Variants in MDGA2 observed in about 807,000 individuals in gnomAD.
MDGA2 encodes MAM domain containing glycosylphosphatidylinositol anchor 2.
In MDGA2, 40 loss-of-function variants were observed where a neutral mutation model predicts 117.8. The observed-to-expected ratio is 0.34, with a 90% CI of 0.26 to 0.44. The LOEUF is 0.44. Ranked by LOEUF, MDGA2 falls within the 20% of genes least tolerant of loss-of-function variation. MDGA2 has a pLI of 1.00. For missense variants in MDGA2, 1,123 were observed against 1,250.6 expected, an observed-to-expected ratio of 0.90 and a Z score of 1.54; for synonymous variants, 452 against 439.0, an observed-to-expected ratio of 1.03 and a Z score of -0.37.
chr14:47,058,588 A>G, intron 7 of MDGA2: 1 of 985,012 alleles, frequency 1.0e-6, no homozygotes, highest in Non-Finnish European at 1.2e-6. Flanking sequence ...ACCTATTTTC[A>G]TATTAAAGCA....
At chr14:46,909,523 T>A (rs1036006891) in intron 10 of MDGA2, among the ~76,000 whole-genome samples, 1 of 152,112 alleles carries the variant, frequency 6.6e-6, no homozygotes, top group African/African-American at 2.4e-5. Context: ...AAAATACAGT[T>A]GACATGCCAA....
intron 1 of MDGA2, among the ~76,000 whole-genome samples, chr14:47,432,739 A>G (rs1892824055): frequency 6.6e-6 from 1 of 152,166 alleles, no homozygotes; most frequent in African/African-American, 2.4e-5. Context: ...AATTTGTACA[A>G]TATAGTCTAA....
chr14:47,673,336 A>G (rs1339024635), intron 1 of MDGA2, among the ~76,000 whole-genome samples: 1 of 152,098 alleles, frequency 6.6e-6, no homozygotes, highest in East Asian at 1.9e-4. Context: ...ACTTCCACAA[A>G]TATTCATTCC....
intron 1 of MDGA2, among the ~76,000 whole-genome samples, chr14:47,377,854 G>T (rs1436496683): frequency 6.6e-6 from 1 of 152,200 alleles, no homozygotes; most frequent in Non-Finnish European, 1.5e-5. Flanking sequence ...CAGCTGTGAA[G>T]AGAGTAGTGG....
chr14:47,137,625 A>T (rs547337385), intron 4 of MDGA2, among the ~76,000 whole-genome samples: 9 of 152,284 alleles, frequency 5.9e-5, no homozygotes, highest in Admixed American at 1.3e-4. Context: ...ATGCCACATC[A>T]TGCTTCCTGT....
intron 1 of MDGA2, among the ~76,000 whole-genome samples, chr14:47,635,161 C>A (rs1216826196): frequency 6.6e-6 from 1 of 152,028 alleles, no homozygotes; most frequent in Admixed American, 6.5e-5. Flanking sequence ...TTAATCACAG[C>A]TAGTTTTTAT....
At chr14:47,239,781 A>C (rs1477844088) in intron 2 of MDGA2, among the ~76,000 whole-genome samples, 4 of 151,926 alleles carry the variant, frequency 2.6e-5, no homozygotes, top group Non-Finnish European at 5.9e-5. Context: ...TTGATTGAAT[A>C]AAAGTTATTT....
At chr14:47,187,989 A>G (rs1488109785) in intron 3 of MDGA2, among the ~76,000 whole-genome samples, 1 of 151,970 alleles carries the variant, frequency 6.6e-6, no homozygotes, top group Non-Finnish European at 1.5e-5. Flanking sequence ...CAAATTACAA[A>G]AAGTGTAGTA....
chr14:47,200,063 G>GA (rs935771499), intron 3 of MDGA2, among the ~76,000 whole-genome samples: 3 of 151,590 alleles, frequency 2.0e-5, no homozygotes, highest in African/African-American at 4.8e-5. Flanking sequence ...TGTTAATAGA[G>GA]AAAAAATGGA....
At chr14:46,903,027 T>G (rs1465866158) in intron 10 of MDGA2, among the ~76,000 whole-genome samples, 1 of 152,232 alleles carries the variant, frequency 6.6e-6, no homozygotes, top group Non-Finnish European at 1.5e-5. Flanking sequence ...TTGAGCCATT[T>G]GCAGCAGGGA....
intron 14 of MDGA2, among the ~76,000 whole-genome samples, chr14:46,858,425 TTTC>T (rs1162801693): frequency 2.9e-5 from 4 of 139,026 alleles, no homozygotes; most frequent in Admixed American, 7.1e-5. Flanking sequence ...TTTTTCTTTT[TTTC>T]TTTTTTTTTT....
intron 7 of MDGA2, among the ~76,000 whole-genome samples, chr14:47,053,641 A>ACACACACAC (rs1889547567): frequency 2.7e-5 from 2 of 73,478 alleles, no homozygotes; most frequent in African/African-American, 5.3e-5. Flanking sequence ...ATATATATAT[A>ACACACACAC]TATATATATA....
chr14:47,370,658 C>T (rs1341922734), intron 1 of MDGA2, among the ~76,000 whole-genome samples: 1 of 150,932 alleles, frequency 6.6e-6, no homozygotes, highest in Non-Finnish European at 1.5e-5. Context: ...AATTCAAATT[C>T]ATTAAACTTC....
intron 6 of MDGA2, among the ~76,000 whole-genome samples, chr14:47,085,246 T>C (rs1041710246): frequency 1.3e-5 from 2 of 151,804 alleles, no homozygotes; most frequent in East Asian, 3.9e-4. Flanking sequence ...GCTTTAAAAA[T>C]TAGAAAAATA....
intron 1 of MDGA2, among the ~76,000 whole-genome samples, chr14:47,528,976 T>C (rs1015729128): frequency 2.8e-5 from 4 of 143,940 alleles, no homozygotes; most frequent in African/African-American, 7.7e-5. Flanking sequence ...CCTCCTATAG[T>C]GTCAAGGGAG....
intron 7 of MDGA2, among the ~76,000 whole-genome samples, chr14:47,041,621 T>G (rs894962508): frequency 2.7e-5 from 4 of 145,738 alleles, no homozygotes; most frequent in African/African-American, 1.0e-4. Context: ...GACACCAAAG[T>G]TTCTCATTCC....
intron 1 of MDGA2, among the ~76,000 whole-genome samples, chr14:47,439,637 A>C (rs921973648): frequency 5.9e-5 from 9 of 152,068 alleles, no homozygotes; most frequent in Non-Finnish European, 1.0e-4. Flanking sequence ...TTTAAAAAGA[A>C]TGCCAAATTA....
intron 1 of MDGA2, among the ~76,000 whole-genome samples, chr14:47,646,966 T>G (rs1332028849): frequency 6.6e-6 from 1 of 152,180 alleles, no homozygotes; most frequent in Non-Finnish European, 1.5e-5. Flanking sequence ...TACTGCACCA[T>G]AATTTACATG....
chr14:47,117,914 G>T (rs1269844164), intron 5 of MDGA2, among the ~76,000 whole-genome samples: 2 of 152,020 alleles, frequency 1.3e-5, no homozygotes, highest in African/African-American at 4.8e-5. Flanking sequence ...AGTTCTTACT[G>T]CAATTAATAA....
Sources: gnomAD v4.1 joint callset for allele counts (sites outside exome capture counted in the v4.1 genomes callset) on GRCh38, gnomAD v4.1.1 for gene constraint, MANE v1.5 for transcripts, NCBI Gene and HGNC (gene_info 2026-07-23, HGNC 2026-07-21) for gene names.